Variants in UBR4 observed in about 807,000 individuals in gnomAD.
UBR4 encodes ubiquitin protein ligase E3 component n-recognin 4.
In UBR4, 124 loss-of-function variants were observed where a neutral mutation model predicts 575.6. That is an observed-to-expected ratio of 0.22 (90% CI 0.19 to 0.25). UBR4 has a LOEUF of 0.25. Ranked by LOEUF, UBR4 falls within the 10% of genes least tolerant of loss-of-function variation. The pLI is 1.00. For missense variants in UBR4, 4,818 were observed against 6,478.8 expected (o/e 0.74, Z 8.80); for synonymous variants, 2,455 against 2,473.7 (o/e 0.99, Z 0.22).
At position 19,169,490 on chromosome 1, in the gene UBR4, A is replaced by T. The variant is rs761707017; in HGVS notation, c.3686T>A (p.Val1229Glu). The T allele has an allele frequency of 1.9e-6, 3 of 1,614,000 alleles. No homozygotes were observed. The South Asian group carries it at 3.3e-5, about 18-fold the overall frequency. Residue 1229 changes from valine (V) to glutamate (E), a missense_variant, in exon 27 of 106, where the codon GTG becomes GAG. Val to Glu is a moderately radical substitution (Grantham distance 121). This residue lies in a region of UBR4 where 1,172 missense variants were observed against 1,259.7 expected (regional missense o/e 0.93). Coordinates refer to ENST00000375254, the MANE Select transcript of UBR4 (RefSeq NM_020765.3). ...VQNLPSSVQT[V>E]CESWNNINTN... ...ATTGATGTTGTTCCAGGACTCACACACAGTCTGCACTGACGATGGCAAATT... is the reference window on the plus strand; with the variant it reads ...ATTGATGTTGTTCCAGGACTCACACTCAGTCTGCACTGACGATGGCAAATT...
At chr1:19,132,366 G>A (rs1358877104) in intron 60 of UBR4, among the ~76,000 whole-genome samples, 1 of 151,802 alleles carries the variant, frequency 6.6e-6, no homozygotes, top group African/African-American at 2.4e-5. Flanking sequence ...ATTTTTAGTA[G>A]AGACAGGGTT....
At chr1:19,142,172 C>T (rs952312832) in intron 55 of UBR4, among the ~76,000 whole-genome samples, 9 of 152,148 alleles carry the variant, frequency 5.9e-5, no homozygotes, top group Non-Finnish European at 4.4e-5. Flanking sequence ...TCTGTCATGG[C>T]AGATTAGAAT....
chr1:19,169,558 A>G (rs768019700), intron 26 of UBR4, 26 bp from the exon 27 acceptor site: 4 of 1,601,660 alleles, frequency 2.5e-6, no homozygotes, highest in Admixed American at 3.4e-5. Context: ...AGGACAAGGA[A>G]TCATCACAAG....
In UBR4 at chr1:19,198,666, C is replaced by G; in HGVS notation, c.523G>C (p.Glu175Gln). ...KTLSDVEDQK[E>Q]LASPVSPELR... is the part of the protein sequence containing the mutation. ...TCAGGGCTTACTGGTGAGGCCAGCT[C>G]TTTCTGATCTTCCACTGTAAAATAC... Residue 175 changes from glutamate to glutamine, a missense_variant, in exon 5 of 106, where the codon GAG becomes CAG. By Grantham distance (29) the Glu-to-Gln change is conservative (BLOSUM62 2). This residue lies in a region of UBR4 where 83 missense variants were observed against 77.3 expected (regional missense o/e 1.07). Coordinates refer to ENST00000375254, the MANE Select transcript of UBR4 (RefSeq NM_020765.3). 6.2e-7 allele frequency: 1 copy of G among 1,614,138 alleles called. No individual in the cohort carries two copies. The highest frequency in any genetic ancestry group is 8.5e-7 in the Non-Finnish European group (1 of 1,180,022).
At chr1:19,115,067 G>A (rs1273189527) in intron 74 of UBR4, 118 bp from the exon 75 acceptor site, 1 of 1,410,322 alleles carries the variant, frequency 7.1e-7, no homozygotes, top group Non-Finnish European at 9.7e-7. Context: ...AGGGGCTACT[G>A]AAGGGACAAT....
At chr1:19,209,986 G>A in intron 1 of UBR4, 87 bp downstream of exon 1, 1 of 1,400,102 alleles carries the variant, frequency 7.1e-7, no homozygotes, top group Non-Finnish European at 9.3e-7. Flanking sequence ...GGGGGCAGGG[G>A]GCGGCCCGGA....
rs745572554 is a variant in UBR4 at position 19,163,747 on chromosome 1, T to C, written c.4764+17A>G. 8.1e-6 allele frequency: 13 copies of C among 1,613,508 alleles called. No homozygotes were observed. In the African/African-American group the frequency reaches 1.7e-4, roughly 22 times the overall value. On this transcript the variant is annotated intron_variant, in intron 34 of 105. Coordinates refer to ENST00000375254, the MANE Select transcript of UBR4 (RefSeq NM_020765.3). ...CCTTTCCCTTCACCCCCCATTGTCA[T>C]TCCTCACTTTTCTTACCTTTCCATG...
chr1:19,128,961 G>C lies in UBR4; in HGVS notation c.9003+17C>G. On this transcript the variant is annotated intron_variant, in intron 61 of 105. Coordinates refer to ENST00000375254, the MANE Select transcript of UBR4 (RefSeq NM_020765.3). ...CCAATCATGACCTGACAGAGATCCA[G>C]GTGAGCTAAGAGATACCTGCATGTA... The C allele has an allele frequency of 6.2e-7, 1 of 1,610,506 alleles. No individual in the cohort carries two copies.
At chr1:19,096,447 G>C (rs888238965) in intron 92 of UBR4, 76 bp downstream of exon 92, 10 of 1,559,826 alleles carry the variant, frequency 6.4e-6, no homozygotes, top group Admixed American at 3.7e-5. Context: ...ATGACACAGT[G>C]GCCATAGCTT....
chr1:19,092,209 G>A (rs1012100554), intron 97 of UBR4, among the ~76,000 whole-genome samples: 4 of 152,166 alleles, frequency 2.6e-5, no homozygotes, highest in African/African-American at 4.8e-5. Context: ...TGGTTGTGGT[G>A]TGTGCTCGGG....
rs563768263 is a variant in UBR4 at position 19,114,412 on chromosome 1, G to A, written c.11203-342C>T. On this transcript the variant is annotated intron_variant, in intron 75 of 105. Coordinates refer to ENST00000375254, the MANE Select transcript of UBR4 (RefSeq NM_020765.3). ...ACCCTATAGGTGCCCCTTTTTCACT[G>A]TTCTTTAATATCTAGAACCTCCCCC... Among the ~76,000 whole-genome samples, 4 of 152,160 alleles carry A rather than the reference G, an allele frequency of 2.6e-5. No homozygotes were observed. The East Asian group carries it at 7.7e-4, about 29-fold the overall frequency.
At chr1:19,083,959 T>G (rs2076765576) in intron 102 of UBR4, among the ~76,000 whole-genome samples, 1 of 152,260 alleles carries the variant, frequency 6.6e-6, no homozygotes, top group African/African-American at 2.4e-5. Context: ...GAACATTCCC[T>G]TTCCCTTCAC....
chr1:19,159,988 G>A (rs560842610), intron 39 of UBR4, 123 bp downstream of exon 39: 1 of 1,280,144 alleles, frequency 7.8e-7, no homozygotes, highest in South Asian at 1.6e-5. Context: ...TAGATTCTAA[G>A]TTTTGGATGG....
At chr1:19,108,093 C>T (rs563300442) in intron 81 of UBR4, among the ~76,000 whole-genome samples, 1 of 152,156 alleles carries the variant, frequency 6.6e-6, no homozygotes, top group East Asian at 1.9e-4. Context: ...ATTTTAATAC[C>T]TTTTTCAACT....
At chr1:19,145,202 G>A (rs1043637452) in intron 53 of UBR4, among the ~76,000 whole-genome samples, 7 of 152,200 alleles carry the variant, frequency 4.6e-5, no homozygotes, top group Non-Finnish European at 1.0e-4. Context: ...AAGGAAATAT[G>A]AAGAGGAAGG....
rs1177948285 is a variant in UBR4, at chr1:19,088,986, A to G, written c.14212-9T>C. On this transcript the variant is annotated splice_polypyrimidine_tract_variant and intron_variant, in intron 97 of 105. Transcript: ENST00000375254. The surrounding 1 kb of genome is among the most constrained non-coding windows in gnomAD (Gnocchi z 4.0). ...TCAGTTCCAATCAGAACCTGCCAGT[A>G]AGAGACCAGAGAGACACATGCCTCC... The G allele has an allele frequency of 1.2e-6, 2 of 1,613,314 alleles. No homozygotes were observed. Among genetic ancestry groups the G allele is most frequent in the Non-Finnish European group, 1.7e-6 (2 of 1,179,478 alleles).
At chr1:19,191,498 A>G (rs2092078778) in intron 11 of UBR4, among the ~76,000 whole-genome samples, 1 of 152,084 alleles carries the variant, frequency 6.6e-6, no homozygotes, top group African/African-American at 2.4e-5. Context: ...AAAAGCCCCT[A>G]TGACTCTCCG....
rs539328762 is a variant in UBR4 at position 19,193,286 on chromosome 1, T to C, written c.1143+147A>G. On this transcript the variant is annotated intron_variant, in intron 9 of 105. Transcript: ENST00000375254. ...CAATATACCAAATCAACAAGCTGGA[T>C]GCCTACCTCTTAGACCTACTAGTGC... is the stretch of plus-strand genomic sequence containing the variant. 7.3e-5 allele frequency: 76 copies of C among 1,043,628 alleles called. No individual in the cohort carries two copies. The African/African-American group carries it at 9.5e-4, about 13-fold the overall frequency. The allele number at this position is 1,043,628 out of a possible 1,614,324, so 64.6% of individuals were successfully genotyped here. A position where few individuals can be genotyped will look rare whatever the true frequency, so the allele number is the denominator to read the frequency against.
chr1:19,163,825 T>C lies in UBR4; in HGVS notation c.4703A>G (p.Lys1568Arg). 1.9e-6 allele frequency: 3 copies of C among 1,614,156 alleles called. No individual in the cohort carries two copies. The highest frequency in any genetic ancestry group is 1.7e-6 in the Non-Finnish European group (2 of 1,180,030). The change falls in exon 34 of 106, where the codon AAG (lysine) becomes AGG (arginine). Residue 1568 changes from lysine to arginine, a missense_variant and splice_region_variant. Around this residue, in one of 29 missense-constraint regions of UBR4, gnomAD observed 1,172 missense variants for 1,259.7 expected, o/e 0.93. Coordinates refer to ENST00000375254, the MANE Select transcript of UBR4 (RefSeq NM_020765.3). The part of the protein sequence containing the change: ...NAAVDWLSRC[K>R]KYLSQKNVVE... ...TACATTCTTCTGTGACAGGTATTTC[T>C]TGCTGTCCCAAAGAAAAAAAAGAGG...
Sources: allele counts gnomAD v4.1 joint callset (sites outside exome capture counted in the v4.1 genomes callset), GRCh38; gene constraint gnomAD v4.1.1; regional missense constraint gnomAD v4.1.1; non-coding constraint Gnocchi (gnomAD v3.1); transcripts MANE v1.5; gene names NCBI Gene and HGNC (gene_info 2026-07-23, HGNC 2026-07-21).